The following PARD6B variants were observed in gnomAD, a reference collection of about 807,000 sequenced individuals.
PARD6B encodes par-6 family cell polarity regulator beta, also known as partitioning defective 6 homolog beta.
A neutral mutation model predicts 10.5 loss-of-function variants in PARD6B; 4 were observed. The observed-to-expected ratio is 0.38, with a 90% CI of 0.19 to 0.87. The LOEUF (loss-of-function observed/expected upper bound fraction) is 0.87. Among genes scored for constraint, PARD6B ranks in the 40% least tolerant of loss-of-function variants. The pLI is 0.41. For synonymous variants in PARD6B, 169 were observed against 170.4 expected, an observed-to-expected ratio of 0.99 and a Z score of 0.07; for missense variants, 396 against 470.6, an observed-to-expected ratio of 0.84 and a Z score of 1.47.
In PARD6B at chr20:50,751,557, A is replaced by G. The variant is rs2123710195; in HGVS notation, c.*1069A>G. On this transcript the variant is annotated 3_prime_UTR_variant, in exon 3 of 3. Transcript: ENST00000371610. ...GAGACGGGGTTTCGCAGTGTTAGCC[A>G]GGAAGGTCTCAATCTCCTGACCTCC... The G allele has an allele frequency of 1.1e-6, 1 of 906,728 alleles. No homozygotes were observed. The highest frequency in any genetic ancestry group is 1.8e-5 in the African/African-American group (1 of 55,288). The allele number at this position is 906,728 out of a possible 1,614,324, so 56.2% of individuals were successfully genotyped here.
At chr20:50,738,200 T>C (rs2087510807) in intron 2 of PARD6B, 121 bp downstream of exon 2, 2 of 621,324 alleles carry the variant, frequency 3.2e-6, no homozygotes, top group South Asian at 2.7e-5. Context: ...AATCTTCTTA[T>C]GTTAACTAAC....
chr20:50,735,118 T>G (rs117577413), intron 1 of PARD6B, among the ~76,000 whole-genome samples: 1 of 152,080 alleles, frequency 6.6e-6, no homozygotes, highest in Non-Finnish European at 1.5e-5. Flanking sequence ...CCACTGCACT[T>G]CAGAGCCTGG....
chr20:50,733,107 G>A (rs1215019965), intron 1 of PARD6B, among the ~76,000 whole-genome samples: 1 of 152,112 alleles, frequency 6.6e-6, no homozygotes, highest in African/African-American at 2.4e-5. Flanking sequence ...ATCGACATTC[G>A]TTTGTAACAT....
intron 2 of PARD6B, among the ~76,000 whole-genome samples, chr20:50,741,983 A>G (rs2087533236): frequency 6.6e-6 from 1 of 152,244 alleles, no homozygotes; most frequent in Admixed American, 6.5e-5. Context: ...GCTTGATTAC[A>G]GCACATTTTC....
At chr20:50,745,262 T>C (rs969818598) in intron 2 of PARD6B, among the ~76,000 whole-genome samples, 1 of 152,106 alleles carries the variant, frequency 6.6e-6, no homozygotes, top group African/African-American at 2.4e-5. Context: ...AAACCCTGTC[T>C]CTAATACAAA....
At position 50,734,077 on chromosome 20, in the gene PARD6B, G is replaced by A. The variant is rs59920301; in HGVS notation, c.66+2225G>A. Among the ~76,000 whole-genome samples the A allele has an allele frequency of 3.9e-3, 599 of 152,274 alleles. 4 individuals carry two copies. The highest frequency in any genetic ancestry group is 0.014 in the African/African-American group (569 of 41,554). On this transcript the variant is annotated intron_variant, in intron 1 of 2. Coordinates refer to ENST00000371610, the MANE Select transcript of PARD6B (RefSeq NM_032521.3). ...TACACTGATTCTAGGAACATGTGCT[G>A]AATGAAGTCGGTCCCACTATTCTAG...
chr20:50,744,623 C>T (rs2087554897), intron 2 of PARD6B, among the ~76,000 whole-genome samples: 1 of 152,074 alleles, frequency 6.6e-6, no homozygotes, highest in South Asian at 2.1e-4. Flanking sequence ...GCCTCTGACT[C>T]AGCTCCTGAC....
Position 50,753,515 on chromosome 20 carries a change from A to G in PARD6B, c.*3027A>G. 1 of 942,688 alleles carries G rather than the reference A, an allele frequency of 1.1e-6. No homozygotes were observed. Among genetic ancestry groups the G allele is most frequent in the Non-Finnish European group, 1.3e-6 (1 of 790,774 alleles). 58.4% of individuals were successfully genotyped at this position (942,688 alleles called of 1,614,324 possible). On this transcript the variant is annotated 3_prime_UTR_variant, in exon 3 of 3. Coordinates refer to ENST00000371610, the MANE Select transcript of PARD6B (RefSeq NM_032521.3). ...TGATAATGTTCTCGAGCTATCAACA[A>G]AATATATGTACTTTTGTGAGCTATG...
At chr20:50,747,485 C>CTTTTTTTTTTTTTT (rs2087574374) in intron 2 of PARD6B, among the ~76,000 whole-genome samples, 14 of 35,932 alleles carry the variant, frequency 3.9e-4, no homozygotes, top group African/African-American at 1.4e-3. Flanking sequence ...TTTTTTCTTT[C>CTTTTTTTTTTTTTT]TTTCTTTTTT....
At chr20:50,743,407 C>T (rs1197513470) in intron 2 of PARD6B, among the ~76,000 whole-genome samples, 1 of 152,136 alleles carries the variant, frequency 6.6e-6, no homozygotes, top group Admixed American at 6.5e-5. Context: ...TAGGGCATGC[C>T]CTTACACAGA....
chr20:50,739,664 TA>T (rs1226719769), intron 2 of PARD6B, among the ~76,000 whole-genome samples: 44 of 152,214 alleles, frequency 2.9e-4, no homozygotes. Flanking sequence ...TTTTACAAAA[TA>T]CTTTCACACA....
At position 50,752,699 on chromosome 20, in the gene PARD6B, T is replaced by A; in HGVS notation, c.*2211T>A. ...TGTGTGCTATTACAACAATGAAGAT[T>A]CAAATGACTCCGCTTTGAAGGATGT... On this transcript the variant is annotated 3_prime_UTR_variant, in exon 3 of 3. Transcript: ENST00000371610. 1.0e-6 allele frequency: 1 copy of A among 980,272 alleles called. No homozygotes were observed. The highest frequency in any genetic ancestry group is 1.2e-6 in the Non-Finnish European group (1 of 824,856). 60.7% of individuals were successfully genotyped at this position (980,272 alleles called of 1,614,324 possible). A position where few individuals can be genotyped will look rare whatever the true frequency, so the allele number is the denominator to read the frequency against.
At chr20:50,737,649 C>A (rs1041089784) in intron 1 of PARD6B, among the ~76,000 whole-genome samples, 8 of 152,102 alleles carry the variant, frequency 5.3e-5, no homozygotes, top group Non-Finnish European at 1.0e-4. Context: ...AAGGAATGCT[C>A]TTCAGAGACA....
chr20:50,739,290 T>C (rs2087516840), intron 2 of PARD6B, among the ~76,000 whole-genome samples: 1 of 151,794 alleles, frequency 6.6e-6, no homozygotes, highest in African/African-American at 2.4e-5. Flanking sequence ...CTACTAAAAA[T>C]ACAAAAATTA....
chr20:50,747,489 C>CTTTTTTTTTTTTT (rs58629233), intron 2 of PARD6B, among the ~76,000 whole-genome samples: 8 of 33,350 alleles, frequency 2.4e-4, no homozygotes, highest in Non-Finnish European at 3.1e-4. Flanking sequence ...TTCTTTCTTT[C>CTTTTTTTTTTTTT]TTTTTTTTTT....
rs775400612 is a variant in PARD6B, at chr20:50,750,165, G to A, written c.796G>A (p.Gly266Ser). ...VRNSRTSGSS[G>S]QSTDNSLLGY... ...GAACAGTCGGACTTCTGGCAGTTCC[G>A]GTCAGTCTACTGATAACAGCCTTCT... Residue 266 changes from glycine to serine, a missense_variant, in exon 3 of 3, where the codon GGT becomes AGT. Gly to Ser is a moderately conservative substitution (Grantham distance 56, BLOSUM62 0). Transcript: ENST00000371610. 2.3e-5 allele frequency: 37 copies of A among 1,614,044 alleles called. No individual in the cohort carries two copies. The highest frequency in any genetic ancestry group is 1.6e-4 in the Middle Eastern group (1 of 6,084).
intron 2 of PARD6B, among the ~76,000 whole-genome samples, chr20:50,747,017 A>G (rs1266774536): frequency 1.3e-5 from 2 of 152,198 alleles, no homozygotes; most frequent in Non-Finnish European, 2.9e-5. Flanking sequence ...CAATGCAAAT[A>G]CTTATAAATG....
At chr20:50,733,086 A>G (rs1013515796) in intron 1 of PARD6B, among the ~76,000 whole-genome samples, 11 of 152,200 alleles carry the variant, frequency 7.2e-5, no homozygotes, top group Non-Finnish European at 1.5e-4. Context: ...ACTGAGAATC[A>G]CATCGAGAAA....
chr20:50,739,116 TTAAAGAC>T (rs2087515523), intron 2 of PARD6B, among the ~76,000 whole-genome samples: 1 of 151,950 alleles, frequency 6.6e-6, no homozygotes, highest in African/African-American at 2.4e-5. Flanking sequence ...TTGGGATAAA[TTAAAGAC>T]TTACGGTATT....
Sources: gnomAD v4.1 joint callset for allele counts (sites outside exome capture counted in the v4.1 genomes callset) on GRCh38, gnomAD v4.1.1 for gene constraint, MANE v1.5 for transcripts, NCBI Gene and HGNC (gene_info 2026-07-23, HGNC 2026-07-21) for gene names.